FSTL4: variants seen among roughly 807,000 people sequenced by gnomAD.
The protein encoded by FSTL4 is follistatin-related protein 4.
In FSTL4, 28 loss-of-function variants were observed where a neutral mutation model predicts 78.2. That is an observed-to-expected ratio of 0.36 (90% confidence interval 0.27 to 0.49). The LOEUF is 0.49. Ranked by LOEUF, FSTL4 falls within the 20% of genes least tolerant of loss-of-function variation. FSTL4 has a pLI of 0.98. For synonymous variants in FSTL4, 422 were observed against 440.5 expected (o/e 0.96, Z 0.53); for missense variants, 922 against 1,084.9 (o/e 0.85, Z 2.11).
intron 3 of FSTL4, among the ~76,000 whole-genome samples, chr5:133,471,000 G>A (rs937685246): frequency 4.6e-5 from 7 of 151,960 alleles, no homozygotes. Context: ...CTGAGAAGAG[G>A]AAGTTGCTTA....
chr5:133,372,618 A>G (rs1169207371), intron 4 of FSTL4, among the ~76,000 whole-genome samples: 4 of 152,220 alleles, frequency 2.6e-5, no homozygotes, highest in Admixed American at 6.5e-5. Flanking sequence ...GAGCCATAAA[A>G]CCAGCCCGAT....
intron 2 of FSTL4, among the ~76,000 whole-genome samples, chr5:133,579,241 C>T (rs567297113): frequency 6.6e-6 from 1 of 152,348 alleles, no homozygotes; most frequent in South Asian, 2.1e-4. Context: ...GCCCTAAACA[C>T]ATTCTATTGC....
intron 1 of FSTL4, among the ~76,000 whole-genome samples, chr5:133,607,737 C>T (rs1270927681): frequency 6.6e-6 from 1 of 152,192 alleles, no homozygotes; most frequent in Non-Finnish European, 1.5e-5. Flanking sequence ...CTCCTTTCCT[C>T]TGAAAGCTGC....
intron 14 of FSTL4, among the ~76,000 whole-genome samples, chr5:133,203,267 G>T (rs201707505): frequency 6.6e-6 from 1 of 152,216 alleles, no homozygotes; most frequent in Admixed American, 6.5e-5. Flanking sequence ...GTAGAAAGGA[G>T]GGTCTAGATT....
At chr5:133,218,816 CACTTG>C (rs1750999295) in intron 12 of FSTL4, among the ~76,000 whole-genome samples, 1 of 152,164 alleles carries the variant, frequency 6.6e-6, no homozygotes, top group African/African-American at 2.4e-5. Context: ...TTCCATTTAC[CACTTG>C]ACTTTCTGCA....
rs745542208 is a variant in FSTL4 at position 133,236,177 on chromosome 5, T to G, written c.895-2640A>C. Among the ~76,000 whole-genome samples the G allele has an allele frequency of 8.6e-5, 13 of 151,686 alleles. No homozygotes were observed. Among genetic ancestry groups the G allele is most frequent in the Non-Finnish European group, 1.6e-4 (11 of 67,738 alleles). On this transcript the variant is annotated intron_variant, in intron 7 of 15. Coordinates refer to ENST00000265342, the MANE Select transcript of FSTL4 (RefSeq NM_015082.2). The surrounding 1 kb of genome is among the most constrained non-coding windows in gnomAD (Gnocchi z 5.0). ...CCACAGCCCCTTCTCATGATGGCCCTTGAAGCTGGCCTCAGGCTCTGGCAG... is the reference window on the plus strand; with the variant it reads ...CCACAGCCCCTTCTCATGATGGCCCGTGAAGCTGGCCTCAGGCTCTGGCAG...
chr5:133,610,214 C>A (rs1376272576), intron 1 of FSTL4, among the ~76,000 whole-genome samples: 1 of 152,138 alleles, frequency 6.6e-6, no homozygotes, highest in Non-Finnish European at 1.5e-5. Flanking sequence ...ACCTCCAGGG[C>A]ACAGCCGAAA....
intron 3 of FSTL4, among the ~76,000 whole-genome samples, chr5:133,456,861 T>A (rs1467443273): frequency 6.6e-6 from 1 of 152,226 alleles, no homozygotes; most frequent in Non-Finnish European, 1.5e-5. Flanking sequence ...ACACACAGCC[T>A]GGCTGCACCC....
chr5:133,469,775 G>A (rs1029336894), intron 3 of FSTL4, among the ~76,000 whole-genome samples: 6 of 152,036 alleles, frequency 3.9e-5, no homozygotes, highest in African/African-American at 1.5e-4. Flanking sequence ...ATTCACTGGC[G>A]CACAGGACAG....
intron 3 of FSTL4, among the ~76,000 whole-genome samples, chr5:133,492,142 G>GT (rs988344637): frequency 6.6e-6 from 1 of 152,052 alleles, no homozygotes; most frequent in Admixed American, 6.6e-5. Context: ...AACGCCTAAA[G>GT]TTTTTTAAGG....
intron 3 of FSTL4, among the ~76,000 whole-genome samples, chr5:133,442,107 G>A (rs578122575): frequency 6.6e-6 from 1 of 152,356 alleles, no homozygotes; most frequent in Non-Finnish European, 1.5e-5. Context: ...CCTCCAGGAG[G>A]AGTGAGGATG....
the FSTL4 span, among the ~76,000 whole-genome samples, chr5:133,625,352 C>T: frequency 6.6e-6 from 1 of 151,604 alleles, no homozygotes; most frequent in East Asian, 1.9e-4. Flanking sequence ...GAAGTTTATA[C>T]ATTTTGAAGA....
At position 133,344,431 on chromosome 5, in the gene FSTL4, T is replaced by C. The variant is rs563300749; in HGVS notation, c.410-27779A>G. Among the ~76,000 whole-genome samples, 14 of 152,274 alleles carry C rather than the reference T, an allele frequency of 9.2e-5. No homozygotes were observed. The South Asian group carries it at 2.9e-3, about 32-fold the overall frequency. On this transcript the variant is annotated intron_variant, in intron 4 of 15. Transcript: ENST00000265342. ...CAACATTCTGATGATGTAACCCTCATCCATGGCAGAAAGATACAGTGAACC... is the reference window on the plus strand; with the variant it reads ...CAACATTCTGATGATGTAACCCTCACCCATGGCAGAAAGATACAGTGAACC...
the FSTL4 span, among the ~76,000 whole-genome samples, chr5:133,654,879 G>A: frequency 6.6e-6 from 1 of 152,154 alleles, no homozygotes; most frequent in South Asian, 2.1e-4. Flanking sequence ...GAGCCCTCTG[G>A]TATTGCTTGA....
At chr5:133,609,390 C>CT (rs903292847) in intron 1 of FSTL4, among the ~76,000 whole-genome samples, 3 of 152,144 alleles carry the variant, frequency 2.0e-5, no homozygotes, top group African/African-American at 7.2e-5. Context: ...GTGGAATTCT[C>CT]TTCTGCATGT....
chr5:133,700,963 G>A, the FSTL4 span, among the ~76,000 whole-genome samples: 12 of 152,222 alleles, frequency 7.9e-5, no homozygotes, highest in Admixed American at 3.9e-4. Flanking sequence ...AGAAGGACGG[G>A]CCTCTCTCTG....
At chr5:133,779,141 A>G in the FSTL4 span, among the ~76,000 whole-genome samples, 13 of 152,128 alleles carry the variant, frequency 8.5e-5, 1 homozygote, top group African/African-American at 3.1e-4. Context: ...TCATCTACCA[A>G]TCCTCCAGAA....
intron 3 of FSTL4, chr5:133,458,152 GGAT>G (rs1757528695): frequency 6.6e-6 from 1 of 152,154 alleles, no homozygotes; most frequent in Admixed American, 6.5e-5. Context: ...AAGATCAAAA[GGAT>G]GATATTGTCT....
the FSTL4 span, among the ~76,000 whole-genome samples, chr5:133,622,264 T>A: frequency 6.6e-6 from 1 of 152,218 alleles, no homozygotes; most frequent in Non-Finnish European, 1.5e-5. Flanking sequence ...TAGTATTCCA[T>A]GGTATGGAAG....
Sources: gnomAD v4.1 joint callset for allele counts (sites outside exome capture counted in the v4.1 genomes callset) on GRCh38, gnomAD v4.1.1 for gene constraint, Gnocchi (gnomAD v3.1) non-coding constraint, MANE v1.5 for transcripts, NCBI Gene and HGNC (gene_info 2026-07-23, HGNC 2026-07-21) for gene names.